DNMT1: variants seen among roughly 807,000 people sequenced by gnomAD.
The protein encoded by DNMT1 is DNA (cytosine-5)-methyltransferase 1.
DNMT1 carries 24 observed loss-of-function variants against 205.3 expected under a neutral mutation model. That is an observed-to-expected ratio of 0.12 (90% CI 0.08 to 0.16). The LOEUF is 0.16. Ranked by LOEUF, DNMT1 falls within the 10% of genes least tolerant of loss-of-function variation. The pLI is 1.00. For synonymous variants in DNMT1, 817 were observed against 839.8 expected (o/e 0.97, Z 0.47); for missense variants, 1,293 against 2,177.7 (o/e 0.59, Z 8.09).
intron 1 of DNMT1, among the ~76,000 whole-genome samples, chr19:10,193,598 A>G (rs2145414449): frequency 6.6e-6 from 1 of 151,276 alleles, no homozygotes; most frequent in Non-Finnish European, 1.5e-5. Context: ...TCCTGGCTCA[A>G]GAGATTCGTC....
rs1337239623 is a variant in DNMT1, at chr19:10,137,646, G to A, written c.4293+186C>T. On this transcript the variant is annotated intron_variant, in intron 36 of 40. Transcript: ENST00000359526. The surrounding 1 kb of genome is among the most constrained non-coding windows in gnomAD (Gnocchi z 6.4). ...ACCATTCCAGACCAAGTCCAGGACTGCGGGAGCTCTGACACTTCCCATGAC... is the reference window on the plus strand; with the variant it reads ...ACCATTCCAGACCAAGTCCAGGACTACGGGAGCTCTGACACTTCCCATGAC... The A allele has an allele frequency of 1.2e-6, 1 of 846,144 alleles. No homozygotes were observed. The highest frequency in any genetic ancestry group is 2.6e-5 in the East Asian group (1 of 37,764). 52.4% of individuals were successfully genotyped at this position (846,144 alleles called of 1,614,324 possible). A position where few individuals can be genotyped will look rare whatever the true frequency, so the allele number is the denominator to read the frequency against.
intron 39 of DNMT1, 139 bp from the exon 40 acceptor site, chr19:10,134,446 C>T: frequency 1.4e-5 from 10 of 737,534 alleles, no homozygotes; most frequent in Non-Finnish European, 1.3e-5. Flanking sequence ...GTCCTGCTCA[C>T]ATGGGCCCAA....
intron 1 of DNMT1, among the ~76,000 whole-genome samples, chr19:10,187,346 G>A (rs955615280): frequency 1.3e-5 from 2 of 152,098 alleles, no homozygotes; most frequent in Non-Finnish European, 2.9e-5. Flanking sequence ...GCTCATGCCT[G>A]TAATCTCTAC....
At chr19:10,148,829 G>C in intron 27 of DNMT1, 55 bp downstream of exon 27, 1 of 1,613,400 alleles carries the variant, frequency 6.2e-7, no homozygotes, top group Non-Finnish European at 8.5e-7. Flanking sequence ...ACGGGAAAAG[G>C]GAGTGATGTG....
intron 30 of DNMT1, chr19:10,141,808 T>A (rs2089605439): frequency 1.7e-6 from 1 of 585,980 alleles, no homozygotes; most frequent in East Asian, 2.8e-5. Context: ...CCAGGAGTGT[T>A]AAACTCCGGG....
intron 5 of DNMT1, among the ~76,000 whole-genome samples, chr19:10,179,529 C>A (rs761245351): frequency 6.6e-6 from 1 of 152,036 alleles, no homozygotes; most frequent in Non-Finnish European, 1.5e-5. Flanking sequence ...CCACCACACC[C>A]CCAGCTAAGA....
In DNMT1 at chr19:10,138,060, C is replaced by T. The variant is rs757915237; in HGVS notation, c.4116-51G>A. The stretch of plus-strand genomic sequence containing the variant: ...CTCTGGAGATGCACGCAGCAGCTGT[C>T]CCCTCATCACAGGTGCCACCCCCTG... On this transcript the variant is annotated intron_variant, in intron 35 of 40. Transcript: ENST00000359526. The surrounding 1 kb of genome is among the most constrained non-coding windows in gnomAD (Gnocchi z 4.1). 1 of 1,571,290 alleles carries T rather than the reference C, an allele frequency of 6.4e-7. No individual in the cohort carries two copies. Among genetic ancestry groups the T allele is most frequent in the South Asian group, 1.2e-5 (1 of 86,922 alleles).
At chr19:10,141,047 C>A (rs1413082380) in intron 31 of DNMT1, 58 bp downstream of exon 31, 4 of 1,613,102 alleles carry the variant, frequency 2.5e-6, no homozygotes, top group Non-Finnish European at 3.4e-6. Context: ...GAGGGATTCA[C>A]AGGCAGCCTC....
Position 10,156,384 on chromosome 19 carries a change from T to A in DNMT1, c.1399+7A>T. ...TGCCCCAAACATAATCCCGGACTAT[T>A]CCTTACCTTCAAGAGATGGGTCATC... On this transcript the variant is annotated splice_region_variant and intron_variant, in intron 18 of 40. Transcript: ENST00000359526. The surrounding 1 kb of genome is among the most constrained non-coding windows in gnomAD (Gnocchi z 4.2). 6.2e-7 allele frequency: 1 copy of A among 1,601,348 alleles called. No individual in the cohort carries two copies. The highest frequency in any genetic ancestry group is 8.5e-7 in the Non-Finnish European group (1 of 1,169,604).
intron 17 of DNMT1, among the ~76,000 whole-genome samples, chr19:10,158,663 C>T (rs530688275): frequency 5.9e-5 from 9 of 152,164 alleles, no homozygotes; most frequent in African/African-American, 1.7e-4. Flanking sequence ...ACGTGAGCCT[C>T]GGTGAAGGTA....
At chr19:10,166,500 C>T (rs1278205629) in intron 11 of DNMT1, 98 bp downstream of exon 11, 1 of 1,461,566 alleles carries the variant, frequency 6.8e-7, no homozygotes, top group East Asian at 2.3e-5. Flanking sequence ...GTGGATGGGG[C>T]TGGACTTGAA....
chr19:10,148,116 CAAAAAAAAAA>C (rs35310173), intron 27 of DNMT1, among the ~76,000 whole-genome samples: 1 of 59,294 alleles, frequency 1.7e-5, no homozygotes, highest in East Asian at 4.4e-4. Flanking sequence ...AACTCTGTCT[CAAAAAAAAAA>C]AAAAAAAAAA....
At chr19:10,191,314 A>G (rs17333908) in intron 1 of DNMT1, among the ~76,000 whole-genome samples, 2 of 151,128 alleles carry the variant, frequency 1.3e-5, no homozygotes. Context: ...AGTTTCAAGT[A>G]CTGTTGGATA....
rs540277379 is a variant in DNMT1, at chr19:10,141,453, T to C, written c.3310-264A>G. On this transcript the variant is annotated intron_variant, in intron 30 of 40. Transcript: ENST00000359526. ...TACCTTCTAGAACAGGAAAAAGTGC[T>C]ATGCAGAATCTGCTGTCCAATTGGG... is the stretch of plus-strand genomic sequence containing the variant. 1.2e-5 allele frequency: 6 copies of C among 482,584 alleles called. No individual in the cohort carries two copies. In the East Asian group the frequency reaches 2.0e-4, roughly 16 times the overall value. 29.9% of individuals were successfully genotyped at this position (482,584 alleles called of 1,614,324 possible).
At chr19:10,143,698 A>G in intron 29 of DNMT1, 68 bp downstream of exon 29, 1 of 1,576,890 alleles carries the variant, frequency 6.3e-7, no homozygotes, top group South Asian at 1.1e-5. Flanking sequence ...CTATGCCACA[A>G]CCTTGTTTCA....
At chr19:10,160,650 T>G (rs545423094) in intron 13 of DNMT1, among the ~76,000 whole-genome samples, 20 of 152,262 alleles carry the variant, frequency 1.3e-4, no homozygotes, top group African/African-American at 4.8e-4. Flanking sequence ...ATCCCAGCAC[T>G]TTGGGAGGCC....
chr19:10,150,920 C>T (rs552485503), intron 24 of DNMT1, among the ~76,000 whole-genome samples: 2 of 152,152 alleles, frequency 1.3e-5, no homozygotes, highest in South Asian at 2.1e-4. Flanking sequence ...GATGAAACCC[C>T]GTCTCTACTA....
rs1001939580 is a variant in DNMT1 at position 10,146,761 on chromosome 19, C to T, written c.2721-237G>A. 6.6e-6 allele frequency among the ~76,000 whole-genome samples: 1 copy of T among 152,112 alleles called. No individual in the cohort carries two copies. Among genetic ancestry groups the T allele is most frequent in the Non-Finnish European group, 1.5e-5 (1 of 68,024 alleles). The stretch of plus-strand genomic sequence containing the variant: ...TCAGGCAACTTTTGAGTCATTGAGA[C>T]AAAAACCCTAAGATATCAATGAACA... On this transcript the variant is annotated intron_variant, in intron 27 of 40. Transcript: ENST00000359526. This position sits in a 1 kb window ranked among gnomAD's most constrained non-coding sequence, Gnocchi z 4.4.
chr19:10,155,991 C>A, intron 18 of DNMT1, 46 bp from the exon 19 acceptor site: 2 of 1,590,680 alleles, frequency 1.3e-6, no homozygotes, highest in South Asian at 1.1e-5. Flanking sequence ...ACTCACATCC[C>A]AAACCCAGGA....
Sources: allele counts gnomAD v4.1 joint callset (sites outside exome capture counted in the v4.1 genomes callset), GRCh38; gene constraint gnomAD v4.1.1; non-coding constraint Gnocchi (gnomAD v3.1); transcripts MANE v1.5; gene names NCBI Gene and HGNC (gene_info 2026-07-23, HGNC 2026-07-21).